Variants in ARHGAP10 observed in about 807,000 individuals in gnomAD.
ARHGAP10 encodes the protein rho GTPase-activating protein 10.
A neutral mutation model predicts 108.6 loss-of-function variants in ARHGAP10; 87 were observed. The ratio of observed to expected loss-of-function variants is 0.80; its 90% confidence interval spans 0.67 to 0.96. The LOEUF is 0.96. Among genes scored for constraint, ARHGAP10 ranks in the 40% least tolerant of loss-of-function variants. ARHGAP10 has a pLI of 0.00. For synonymous variants in ARHGAP10, 347 were observed against 341.1 expected (o/e 1.02, Z -0.19); for missense variants, 939 against 954.5 (o/e 0.98, Z 0.21).
At chr4:147,820,076 C>T (rs1351221816) in intron 1 of ARHGAP10, among the ~76,000 whole-genome samples, 1 of 152,078 alleles carries the variant, frequency 6.6e-6, no homozygotes, top group Non-Finnish European at 1.5e-5. Flanking sequence ...CTAGCCCTAT[C>T]CTAGGAAGGC....
rs554108062 is a variant in ARHGAP10, at chr4:147,808,173, A to G, written c.155-14554A>G. ...ATACAACTAACAACTGTGGGACCCCAGTTACAAAGGCTGTCGGAGGTGAGC... is the reference window on the plus strand; with the variant it reads ...ATACAACTAACAACTGTGGGACCCCGGTTACAAAGGCTGTCGGAGGTGAGC... On this transcript the variant is annotated intron_variant, in intron 1 of 22. Coordinates refer to ENST00000336498, the MANE Select transcript of ARHGAP10 (RefSeq NM_024605.4). 1.2e-4 allele frequency among the ~76,000 whole-genome samples: 19 copies of G among 152,304 alleles called. No homozygotes were observed. The Middle Eastern group carries it at 0.014, about 109-fold the overall frequency.
chr4:148,038,254 TA>T (rs1728470172), intron 19 of ARHGAP10, among the ~76,000 whole-genome samples: 1 of 152,204 alleles, frequency 6.6e-6, no homozygotes, highest in Non-Finnish European at 1.5e-5. Context: ...TGGGTAACAT[TA>T]GGAGGAAAGG....
intron 1 of ARHGAP10, among the ~76,000 whole-genome samples, chr4:147,792,488 A>G (rs767994417): frequency 1.1e-4 from 16 of 152,046 alleles, no homozygotes; most frequent in Admixed American, 2.6e-4. Flanking sequence ...TATTTGCTTT[A>G]TTTATAATAT....
At chr4:147,759,951 T>A (rs1401348128) in intron 1 of ARHGAP10, among the ~76,000 whole-genome samples, 1 of 152,154 alleles carries the variant, frequency 6.6e-6, no homozygotes, top group Admixed American at 6.5e-5. Flanking sequence ...TGTTTCACCA[T>A]GTTGGCCAGG....
At chr4:147,845,776 A>G (rs556877272) in intron 3 of ARHGAP10, among the ~76,000 whole-genome samples, 7 of 152,292 alleles carry the variant, frequency 4.6e-5, no homozygotes, top group African/African-American at 1.2e-4. Context: ...GCCTTAAGTT[A>G]TCTATGAGAC....
At chr4:148,004,338 C>G (rs1347402474) in intron 18 of ARHGAP10, among the ~76,000 whole-genome samples, 1 of 152,182 alleles carries the variant, frequency 6.6e-6, no homozygotes, top group Non-Finnish European at 1.5e-5. Context: ...TAGTCTTCAA[C>G]AGGTGGAAGA....
intron 15 of ARHGAP10, among the ~76,000 whole-genome samples, chr4:147,953,150 G>T (rs1738673713): frequency 6.6e-6 from 1 of 151,542 alleles, no homozygotes. Flanking sequence ...TATTTATCTT[G>T]TGGAATTTGA....
chr4:147,858,389 G>A (rs910955186), intron 5 of ARHGAP10: 9 of 151,902 alleles, frequency 5.9e-5, no homozygotes, highest in Non-Finnish European at 5.9e-5. Flanking sequence ...TGGACATTAT[G>A]TACTACTGTC....
At chr4:148,017,363 C>T (rs1578794569) in intron 18 of ARHGAP10, among the ~76,000 whole-genome samples, 2 of 152,164 alleles carry the variant, frequency 1.3e-5, no homozygotes, top group Non-Finnish European at 2.9e-5. Context: ...GTCAAAGCAA[C>T]ATCAAATCAT....
In ARHGAP10 at chr4:147,955,300, T is replaced by C. The variant is rs765717961; in HGVS notation, c.1392-16T>C. The C allele has an allele frequency of 6.2e-7, 1 of 1,603,820 alleles. No individual in the cohort carries two copies. Among genetic ancestry groups the C allele is most frequent in the Middle Eastern group, 1.7e-4 (1 of 6,028 alleles). On this transcript the variant is annotated splice_polypyrimidine_tract_variant and intron_variant, in intron 15 of 22. Transcript: ENST00000336498. The stretch of plus-strand genomic sequence containing the variant: ...TTGGATTTATTTGATAATTCTGAGC[T>C]GTTCTTTTCACACAGGAGTCTTCCA...
rs577434009 is a variant in ARHGAP10 at position 147,839,898 on chromosome 4, A to C, written c.313-7253A>C. The stretch of plus-strand genomic sequence containing the variant: ...CTTGAGTAATTGTGGGAAACATTTT[A>C]ATCCTCCACACTGTTACATAATACT... On this transcript the variant is annotated intron_variant, in intron 3 of 22. Coordinates refer to ENST00000336498, the MANE Select transcript of ARHGAP10 (RefSeq NM_024605.4). Among the ~76,000 whole-genome samples, 9 of 152,368 alleles carry C rather than the reference A, an allele frequency of 5.9e-5. No homozygotes were observed. The South Asian group carries it at 1.5e-3, about 25-fold the overall frequency.
intron 12 of ARHGAP10, among the ~76,000 whole-genome samples, chr4:147,911,162 A>G (rs1489333663): frequency 1.3e-5 from 2 of 150,158 alleles, no homozygotes; most frequent in Admixed American, 1.4e-4. Context: ...CTTCCATTTT[A>G]TAAAGCTTTG....
At chr4:147,877,764 T>TG (rs111453742) in intron 8 of ARHGAP10, among the ~76,000 whole-genome samples, 5,409 of 151,352 alleles carry the variant, frequency 0.036, 335 homozygotes, top group African/African-American at 0.12. Flanking sequence ...GAGAGTGTTC[T>TG]GGGGCATACT....
At chr4:148,064,167 G>C (rs905930713) in intron 21 of ARHGAP10, among the ~76,000 whole-genome samples, 6 of 152,214 alleles carry the variant, frequency 3.9e-5, no homozygotes, top group Non-Finnish European at 8.8e-5. Flanking sequence ...AGGAGAATTA[G>C]GTGAAGTGGT....
chr4:147,766,818 ATATATATATATATATATATATT>A (rs1311062820), intron 1 of ARHGAP10, among the ~76,000 whole-genome samples: 219 of 11,816 alleles, frequency 0.019, 1 homozygote, highest in Non-Finnish European at 0.17. Flanking sequence ...ATATATATAT[ATATATATATATATATATATATT>A]TATTTATTTA....
At chr4:147,995,453 G>A (rs1578770947) in intron 18 of ARHGAP10, among the ~76,000 whole-genome samples, 1 of 152,240 alleles carries the variant, frequency 6.6e-6, no homozygotes, top group African/African-American at 2.4e-5. Flanking sequence ...GGAGGAGTAG[G>A]GAAGCTTATC....
intron 16 of ARHGAP10, among the ~76,000 whole-genome samples, chr4:147,964,024 G>A (rs1438737271): frequency 1.3e-5 from 2 of 152,184 alleles, no homozygotes; most frequent in African/African-American, 4.8e-5. Context: ...TATTAAGCAC[G>A]CCTTTTTATT....
intron 16 of ARHGAP10, among the ~76,000 whole-genome samples, chr4:147,964,718 CACA>C (rs1739139388): frequency 6.6e-6 from 1 of 152,146 alleles, no homozygotes; most frequent in African/African-American, 2.4e-5. Flanking sequence ...AGACATGAAA[CACA>C]GCATGTCAGA....
intron 1 of ARHGAP10, among the ~76,000 whole-genome samples, chr4:147,814,017 A>G (rs2126775740): frequency 6.6e-6 from 1 of 152,062 alleles, no homozygotes. Context: ...TTTTTTTGGA[A>G]TATGTCTTCT....
Sources: allele counts gnomAD v4.1 joint callset (sites outside exome capture counted in the v4.1 genomes callset), GRCh38; gene constraint gnomAD v4.1.1; transcripts MANE v1.5; gene names NCBI Gene and HGNC (gene_info 2026-07-23, HGNC 2026-07-21).